LRP1B: variants seen among roughly 807,000 people sequenced by gnomAD.
The protein encoded by LRP1B is LDL receptor related protein 1B, also known as low-density lipoprotein receptor-related protein 1B.
In LRP1B, 217 loss-of-function variants were observed where a neutral mutation model predicts 556.6. The observed-to-expected ratio is 0.39, with a 90% CI of 0.35 to 0.44. The LOEUF is 0.44. LRP1B is among the 20% of genes least tolerant of loss of function. LRP1B has a pLI of 1.00. For missense variants in LRP1B, 5,053 were observed against 5,620.8 expected (o/e 0.90, Z 3.23); for synonymous variants, 2,047 against 1,865.8 (o/e 1.10, Z -2.50).
rs887053381 is a variant in LRP1B at position 141,480,452 on chromosome 2, A to G, written c.287T>C (p.Leu96Pro). 1 of 1,614,044 alleles carries G rather than the reference A, an allele frequency of 6.2e-7. No homozygotes were observed. The highest frequency in any genetic ancestry group is 8.5e-7 in the Non-Finnish European group (1 of 1,179,940). ...GTNKCVHLSQ[L>P]CNGVLDCPDG... ...TGGGCAGTCCAAGACACCATTGCACAGCTGGGATAAATGAACACATTTGTT... is the reference window on the plus strand; with the variant it reads ...TGGGCAGTCCAAGACACCATTGCACGGCTGGGATAAATGAACACATTTGTT... Residue 96 changes from leucine to proline, a missense_variant, in exon 3 of 91, where the codon CTG (leucine) becomes CCG (proline). Physicochemically the swap from Leu to Pro is moderately conservative, Grantham distance 98. Transcript: ENST00000389484.
chr2:141,316,794 T>G (rs932786309), intron 3 of LRP1B, among the ~76,000 whole-genome samples: 1 of 152,230 alleles, frequency 6.6e-6, no homozygotes, highest in East Asian at 1.9e-4. Flanking sequence ...GTGAGGTGGA[T>G]AAGCACAGCC....
In LRP1B at chr2:141,247,294, G is replaced by A. The variant is rs1684102060; in HGVS notation, c.524C>T (p.Ser175Phe). 1.2e-6 allele frequency: 2 copies of A among 1,613,782 alleles called. No individual in the cohort carries two copies. Among genetic ancestry groups the A allele is most frequent in the Non-Finnish European group, 1.7e-6 (2 of 1,179,778 alleles). The change falls in exon 5 of 91, where the codon TCC becomes TTC. Residue 175 changes from serine to phenylalanine, a missense_variant. Coordinates refer to ENST00000389484, the MANE Select transcript of LRP1B (RefSeq NM_018557.3). Reference protein sequence around the residue: ...CSQTCRNTHGSYTCSCVEGYL... With the variant: ...CSQTCRNTHGFYTCSCVEGYL... ...GCCTTCCACACAACTGCAAGTGTAG[G>A]ATCCATGTGTGTTTCTGCAGGTCTG...
At chr2:140,776,994 C>G (rs1689522500) in intron 32 of LRP1B, among the ~76,000 whole-genome samples, 2 of 152,126 alleles carry the variant, frequency 1.3e-5, no homozygotes, top group Non-Finnish European at 2.9e-5. Context: ...GTAACTTAAT[C>G]AAATTTACAT....
At chr2:140,375,140 T>C (rs1247056398) in intron 68 of LRP1B, among the ~76,000 whole-genome samples, 1 of 151,590 alleles carries the variant, frequency 6.6e-6, no homozygotes, top group Non-Finnish European at 1.5e-5. Flanking sequence ...TTTAAAGTAT[T>C]GTTGTGAACT....
intron 82 of LRP1B, among the ~76,000 whole-genome samples, chr2:140,319,082 T>G (rs968231119): frequency 1.3e-5 from 2 of 152,112 alleles, no homozygotes; most frequent in African/African-American, 4.8e-5. Context: ...CTCAGCCCTG[T>G]ACTAGGTCAT....
At chr2:141,642,075 T>G (rs1689358736) in intron 2 of LRP1B, among the ~76,000 whole-genome samples, 1 of 152,120 alleles carries the variant, frequency 6.6e-6, no homozygotes, top group Non-Finnish European at 1.5e-5. Context: ...ATTTACTTGT[T>G]ATATGACCGT....
At chr2:140,779,318 A>ACTT (rs1380213155) in intron 32 of LRP1B, among the ~76,000 whole-genome samples, 2 of 152,184 alleles carry the variant, frequency 1.3e-5, no homozygotes, top group Non-Finnish European at 1.5e-5. Flanking sequence ...ATTGCTAGAA[A>ACTT]CTAGAAAACA....
At chr2:141,283,538 C>A (rs1339507458) in intron 3 of LRP1B, among the ~76,000 whole-genome samples, 1 of 150,570 alleles carries the variant, frequency 6.6e-6, no homozygotes, top group African/African-American at 2.4e-5. Context: ...AGGAAACTGA[C>A]ATAGATTAGA....
intron 87 of LRP1B, 59 bp from the exon 88 acceptor site, chr2:140,239,591 AAACT>A: frequency 9.0e-7 from 1 of 1,105,102 alleles, no homozygotes; most frequent in Non-Finnish European, 1.3e-6. Context: ...AAAATTGATA[AAACT>A]AAGTACTTTA....
intron 25 of LRP1B, among the ~76,000 whole-genome samples, chr2:140,880,924 G>T (rs984105855): frequency 1.3e-5 from 2 of 152,106 alleles, no homozygotes; most frequent in Admixed American, 6.6e-5. Context: ...TATTCAAAGA[G>T]GCTTAGAAGG....
At chr2:141,005,501 C>T (rs765955873) in intron 14 of LRP1B, 44 bp from the exon 15 acceptor site, 12 of 1,600,460 alleles carry the variant, frequency 7.5e-6, no homozygotes, top group African/African-American at 1.3e-5. Context: ...CTCTGATTCA[C>T]GTTCTTTCTA....
chr2:140,378,193 T>C lies in LRP1B; in HGVS notation c.10625A>G (p.Asp3542Gly). The C allele has an allele frequency of 6.2e-7, 1 of 1,612,778 alleles. No individual in the cohort carries two copies. Among genetic ancestry groups the C allele is most frequent in the Non-Finnish European group, 8.5e-7 (1 of 1,178,876 alleles). The part of the protein sequence containing the change: ...FWCDGDFDCA[D>G]GSDERNCETS... ...AAAGATGCCTACCTCATCAGAGCCA[T>C]CTGCACAGTCAAAATCTCCATCACA... Residue 3542 changes from aspartate (D) to glycine (G), a missense_variant, in exon 68 of 91, where the codon GAT becomes GGT. Coordinates refer to ENST00000389484, the MANE Select transcript of LRP1B (RefSeq NM_018557.3).
chr2:140,756,997 CA>C (rs1015539873), intron 35 of LRP1B, among the ~76,000 whole-genome samples: 4 of 152,018 alleles, frequency 2.6e-5, no homozygotes, highest in Non-Finnish European at 4.4e-5. Flanking sequence ...ATAAAATGGG[CA>C]AAAGCTTTAA....
At chr2:142,024,758 G>T (rs1360953317) in intron 1 of LRP1B, among the ~76,000 whole-genome samples, 3 of 151,102 alleles carry the variant, frequency 2.0e-5, no homozygotes, top group South Asian at 2.1e-4. Flanking sequence ...TCTATAATCT[G>T]ATTTCCCTCT....
chr2:141,520,667 T>C (rs1574040738), intron 2 of LRP1B, among the ~76,000 whole-genome samples: 2 of 152,196 alleles, frequency 1.3e-5, no homozygotes, highest in South Asian at 4.1e-4. Flanking sequence ...CACCTCTGTT[T>C]CATGTTTTCA....
chr2:141,815,371 AC>A (rs1696504302), intron 1 of LRP1B, among the ~76,000 whole-genome samples: 1 of 152,100 alleles, frequency 6.6e-6, no homozygotes, highest in Non-Finnish European at 1.5e-5. Flanking sequence ...GACTTGGAGA[AC>A]TTTTCTGTCG....
chr2:141,349,518 C>T (rs1016258598), intron 3 of LRP1B, among the ~76,000 whole-genome samples: 1 of 152,022 alleles, frequency 6.6e-6, no homozygotes, highest in Non-Finnish European at 1.5e-5. Flanking sequence ...TACTAAAACC[C>T]TATTGATAAT....
intron 56 of LRP1B, among the ~76,000 whole-genome samples, chr2:140,493,463 T>A (rs1429660413): frequency 6.6e-6 from 1 of 152,144 alleles, no homozygotes; most frequent in African/African-American, 2.4e-5. Context: ...TTCAGAAAGA[T>A]TTTCTTTTCT....
chr2:142,069,467 C>T (rs1393126881), intron 1 of LRP1B, among the ~76,000 whole-genome samples: 1 of 127,986 alleles, frequency 7.8e-6, no homozygotes, highest in Non-Finnish European at 1.7e-5. Flanking sequence ...CCAAAGAGAC[C>T]TGACCAACAA....
Sources: gnomAD v4.1 joint callset for allele counts (sites outside exome capture counted in the v4.1 genomes callset) on GRCh38, gnomAD v4.1.1 for gene constraint, MANE v1.5 for transcripts, NCBI Gene and HGNC (gene_info 2026-07-23, HGNC 2026-07-21) for gene names.